Variants in KCNH1 observed in about 807,000 individuals in gnomAD.
KCNH1 encodes potassium voltage-gated channel subfamily H member 1.
KCNH1 carries 27 observed loss-of-function variants against 69.2 expected under a neutral mutation model. The ratio of observed to expected loss-of-function variants is 0.39; its 90% CI spans 0.29 to 0.54. The LOEUF (loss-of-function observed/expected upper bound fraction) is 0.54, where lower values mean the gene tolerates loss of function less well. Ranked by LOEUF, KCNH1 falls within the 20% of genes least tolerant of loss-of-function variation. The pLI, the probability that KCNH1 is intolerant of heterozygous loss-of-function variation, is 0.68. For synonymous variants in KCNH1, 456 were observed against 487.7 expected (o/e 0.93, Z 0.86); for missense variants, 798 against 1,261.6 (o/e 0.63, Z 5.57).
chr1:211,076,294 G>T (rs1690731522), intron 5 of KCNH1, among the ~76,000 whole-genome samples: 1 of 152,238 alleles, frequency 6.6e-6, no homozygotes, highest in African/African-American at 2.4e-5. Flanking sequence ...GTGGGTCCTT[G>T]ATCTCCATGT....
intron 6 of KCNH1, among the ~76,000 whole-genome samples, chr1:210,935,241 A>T (rs1687757547): frequency 6.6e-6 from 1 of 152,036 alleles, no homozygotes; most frequent in Non-Finnish European, 1.5e-5. Flanking sequence ...CCTGGAACAC[A>T]TCATGTTAAA....
chr1:210,700,716 AC>A (rs1406644977), intron 10 of KCNH1, among the ~76,000 whole-genome samples: 1 of 152,204 alleles, frequency 6.6e-6, no homozygotes, highest in African/African-American at 2.4e-5. Flanking sequence ...ACAAAAACAG[AC>A]AAAATGTAAA....
chr1:210,833,730 C>A (rs889949563), intron 7 of KCNH1, among the ~76,000 whole-genome samples: 8 of 152,212 alleles, frequency 5.3e-5, no homozygotes, highest in African/African-American at 1.9e-4. Flanking sequence ...AAGAAACTAC[C>A]ATTAGAGTGA....
At chr1:210,806,465 T>C (rs1430566494) in intron 7 of KCNH1, among the ~76,000 whole-genome samples, 2 of 152,094 alleles carry the variant, frequency 1.3e-5, no homozygotes, top group African/African-American at 2.4e-5. Context: ...CTCAGATAAA[T>C]GATTTGAAAA....
intron 5 of KCNH1, among the ~76,000 whole-genome samples, chr1:211,041,675 T>C (rs1571601222): frequency 6.6e-6 from 1 of 152,178 alleles, no homozygotes; most frequent in East Asian, 1.9e-4. Context: ...ATTCTTGCTG[T>C]GACCTACAAT....
intron 10 of KCNH1, among the ~76,000 whole-genome samples, chr1:210,686,044 TG>T (rs1461387838): frequency 6.6e-6 from 1 of 152,196 alleles, no homozygotes; most frequent in Non-Finnish European, 1.5e-5. Context: ...TGACCTCCAC[TG>T]GGCAGCATTT....
intron 1 of KCNH1, among the ~76,000 whole-genome samples, chr1:211,109,349 G>A (rs771811966): frequency 2.5e-4 from 38 of 152,206 alleles, no homozygotes; most frequent in Non-Finnish European, 5.0e-4. Flanking sequence ...TAAAGTCAGA[G>A]AGCTTTGATT....
chr1:210,930,429 T>TG (rs202228525), intron 6 of KCNH1, among the ~76,000 whole-genome samples: 1 of 151,782 alleles, frequency 6.6e-6, no homozygotes, highest in Non-Finnish European at 1.5e-5. Context: ...AAAAATAAAG[T>TG]GGGGAAAAGA....
chr1:210,966,595 G>A (rs1688405246), intron 6 of KCNH1, among the ~76,000 whole-genome samples: 1 of 152,146 alleles, frequency 6.6e-6, no homozygotes, highest in South Asian at 2.1e-4. Flanking sequence ...AGACATTTAT[G>A]CAGCCAACAG....
At chr1:211,075,884 T>G (rs1690723339) in intron 5 of KCNH1, among the ~76,000 whole-genome samples, 1 of 152,244 alleles carries the variant, frequency 6.6e-6, no homozygotes, top group African/African-American at 2.4e-5. Context: ...ACCCAAATAC[T>G]GTGCTTTTCC....
chr1:210,792,293 G>A (rs1320327739), intron 9 of KCNH1, among the ~76,000 whole-genome samples: 4 of 152,070 alleles, frequency 2.6e-5, no homozygotes, highest in East Asian at 3.9e-4. Context: ...AAATCTTCCT[G>A]TCAACCCCCT....
At chr1:211,060,274 A>T (rs1478250504) in intron 5 of KCNH1, among the ~76,000 whole-genome samples, 1 of 151,924 alleles carries the variant, frequency 6.6e-6, no homozygotes, top group Non-Finnish European at 1.5e-5. Context: ...TGCCACATCA[A>T]AAGAACAGAA....
intron 7 of KCNH1, among the ~76,000 whole-genome samples, chr1:210,847,509 T>A (rs1275853373): frequency 6.9e-6 from 1 of 144,640 alleles, no homozygotes; most frequent in Non-Finnish European, 1.5e-5. Context: ...ATGTTCTCAC[T>A]CATAGGTGGG....
chr1:210,784,813 G>T (rs544782282), intron 9 of KCNH1, among the ~76,000 whole-genome samples: 1 of 152,034 alleles, frequency 6.6e-6, no homozygotes, highest in East Asian at 1.9e-4. Flanking sequence ...CACAAATCTG[G>T]TCAATGAAAC....
At chr1:211,086,671 G>C (rs187062249) in intron 4 of KCNH1, among the ~76,000 whole-genome samples, 90 of 152,210 alleles carry the variant, frequency 5.9e-4, no homozygotes, top group Non-Finnish European at 5.4e-4. Context: ...CTCCACAATG[G>C]CTGGTGGGTG....
chr1:211,055,325 T>C (rs968704934), intron 5 of KCNH1, among the ~76,000 whole-genome samples: 3 of 152,142 alleles, frequency 2.0e-5, no homozygotes, highest in African/African-American at 2.4e-5. Flanking sequence ...GAAAGTAACA[T>C]GGGGCAGAGC....
intron 7 of KCNH1, among the ~76,000 whole-genome samples, chr1:210,897,222 G>T (rs1167183490): frequency 6.6e-6 from 1 of 152,202 alleles, no homozygotes; most frequent in African/African-American, 2.4e-5. Context: ...ATTATGAAAA[G>T]AAGGTTGGCC....
chr1:210,880,061 A>C (rs1190784980), intron 7 of KCNH1, among the ~76,000 whole-genome samples: 1 of 152,178 alleles, frequency 6.6e-6, no homozygotes, highest in Non-Finnish European at 1.5e-5. Flanking sequence ...TGTGAGGAAA[A>C]CTACAAAACT....
At chr1:210,730,904 C>A (rs570060075) in intron 10 of KCNH1, among the ~76,000 whole-genome samples, 1 of 152,300 alleles carries the variant, frequency 6.6e-6, no homozygotes, top group South Asian at 2.1e-4. Flanking sequence ...CACTCAATGG[C>A]CATTATAACC....
Sources: gnomAD v4.1 joint callset for allele counts (sites outside exome capture counted in the v4.1 genomes callset) on GRCh38, gnomAD v4.1.1 for gene constraint, MANE v1.5 for transcripts, NCBI Gene and HGNC (gene_info 2026-07-23, HGNC 2026-07-21) for gene names.